KRT12: variants seen among roughly 807,000 people sequenced by gnomAD.
KRT12 encodes keratin, type I cytoskeletal 12.
KRT12 carries 43 observed loss-of-function variants against 50.2 expected under a neutral mutation model. The ratio of observed to expected loss-of-function variants is 0.86; its 90% CI spans 0.67 to 1.11. KRT12 has a LOEUF of 1.11. KRT12 is among the 50% of genes least tolerant of loss of function. The pLI is 0.00. For missense variants in KRT12, 588 were observed against 625.6 expected, an observed-to-expected ratio of 0.94 and a Z score of 0.64; for synonymous variants, 257 against 253.6, an observed-to-expected ratio of 1.01 and a Z score of -0.13.
chr17:40,866,313 AGGTGAAAAT>A, intron 1 of KRT12, 76 bp from the exon 2 acceptor site: 1 of 1,176,674 alleles, frequency 8.5e-7, no homozygotes, highest in South Asian at 1.3e-5. Context: ...TTTGACACAA[AGGTGAAAAT>A]GGTGATATTA....
chr17:40,864,820 T>C lies in KRT12; in HGVS notation c.793A>G (p.Lys265Glu). Reference protein sequence around the residue: ...SLNEELAYMKKNHEDELQSFR... With the variant: ...SLNEELAYMKENHEDELQSFR... ...GTCTGACTCACATCCTCGTGGTTCTTCTTCATGTAGGCCAGCTCCTCGTTC... is the reference window on the plus strand; with the variant it reads ...GTCTGACTCACATCCTCGTGGTTCTCCTTCATGTAGGCCAGCTCCTCGTTC... The change falls in exon 3 of 8, where the codon AAG (lysine) becomes GAG (glutamate). Residue 265 changes from lysine (K) to glutamate (E), a missense_variant. Physicochemically the swap from Lys to Glu is moderately conservative, Grantham distance 56 (BLOSUM62 1). Coordinates refer to ENST00000251643, the MANE Select transcript of KRT12 (RefSeq NM_000223.4). 6.2e-7 allele frequency: 1 copy of C among 1,614,220 alleles called. No homozygotes were observed. The highest frequency in any genetic ancestry group is 8.5e-7 in the Non-Finnish European group (1 of 1,180,040).
In KRT12 at chr17:40,863,195, A is replaced by G. The variant is rs1307403782; in HGVS notation, c.1244T>C (p.Leu415Pro). The change falls in exon 6 of 8, where the codon CTG becomes CCG. Residue 415 changes from leucine to proline, a missense_variant. Leu to Pro is a moderately conservative substitution (Grantham distance 98). Coordinates refer to ENST00000251643, the MANE Select transcript of KRT12 (RefSeq NM_000223.4). This position sits in a 1 kb window ranked among gnomAD's most constrained non-coding sequence, Gnocchi z 4.2. ...AERQNVDHQR[L>P]LNVKARLELE... The stretch of plus-strand genomic sequence containing the variant: ...CTCCAGGCGGGCCTTGACATTCAGC[A>G]GCCGCTGGTGGTCCACGTTCTGGCG... 9 of 1,614,024 alleles carry G rather than the reference A, an allele frequency of 5.6e-6. No homozygotes were observed. Among genetic ancestry groups the G allele is most frequent in the Non-Finnish European group, 7.6e-6 (9 of 1,180,048 alleles).
chr17:40,862,580 T>TTGAC lies in KRT12; in HGVS notation c.1368_1371dup (p.Thr458ValfsTer3), dbSNP rs1416892206. The TTGAC allele has an allele frequency of 1.9e-6, 3 of 1,612,458 alleles. No individual in the cohort carries two copies. Among genetic ancestry groups the TTGAC allele is most frequent in the Non-Finnish European group, 2.5e-6 (3 of 1,178,622 alleles). Reference sequence around the variant, plus strand: ...TTCTGCATACCTTTAGAGGAATCAGTTGACTGTGCTTGTGATTTGGAGTCT... The same window carrying TTGAC: ...TTCTGCATACCTTTAGAGGAATCAGTTGACTGACTGTGCTTGTGATTTGGAGTCT... On this transcript the variant is annotated frameshift_variant, in exon 7 of 8. Coordinates refer to ENST00000251643, the MANE Select transcript of KRT12 (RefSeq NM_000223.4). LOFTEE classifies it high-confidence loss of function.
chr17:40,863,215 C>G lies in KRT12; in HGVS notation c.1224G>C (p.Gln408His). The change falls in exon 6 of 8, where the codon CAG becomes CAC. Residue 408 changes from glutamine to histidine, a missense_variant. By Grantham distance (24) the Gln-to-His change is conservative (BLOSUM62 0). Transcript: ENST00000251643. This position sits in a 1 kb window ranked among gnomAD's most constrained non-coding sequence, Gnocchi z 4.2. ...LLQVRADAER[Q>H]NVDHQRLLNV... ...TCAGCAGCCGCTGGTGGTCCACGTT[C>G]TGGCGCTCTGCGTCCGCGCGCACCT... 1 of 1,614,048 alleles carries G rather than the reference C, an allele frequency of 6.2e-7. No individual in the cohort carries two copies. The highest frequency in any genetic ancestry group is 8.5e-7 in the Non-Finnish European group (1 of 1,180,040).
At position 40,863,192 on chromosome 17, in the gene KRT12, A is replaced by G; in HGVS notation, c.1247T>C (p.Leu416Pro). The change falls in exon 6 of 8, where the codon CTG (leucine) becomes CCG (proline). Residue 416 changes from leucine to proline, a missense_variant. Physicochemically the swap from Leu to Pro is moderately conservative, Grantham distance 98 (BLOSUM62 -3). Transcript: ENST00000251643. The surrounding 1 kb of genome is among the most constrained non-coding windows in gnomAD (Gnocchi z 4.2). ...ERQNVDHQRL[L>P]NVKARLELEI... ...CAGCTCCAGGCGGGCCTTGACATTC[A>G]GCAGCCGCTGGTGGTCCACGTTCTG... 1 of 1,614,076 alleles carries G rather than the reference A, an allele frequency of 6.2e-7. No homozygotes were observed. Among genetic ancestry groups the G allele is most frequent in the Non-Finnish European group, 8.5e-7 (1 of 1,180,030 alleles).
In KRT12 at chr17:40,863,201, T is replaced by A; in HGVS notation, c.1238A>T (p.Gln413Leu). 6.2e-7 allele frequency: 1 copy of A among 1,614,096 alleles called. No individual in the cohort carries two copies. Among genetic ancestry groups the A allele is most frequent in the Non-Finnish European group, 8.5e-7 (1 of 1,180,024 alleles). Reference sequence around the variant, plus strand: ...GCGGGCCTTGACATTCAGCAGCCGCTGGTGGTCCACGTTCTGGCGCTCTGC... The same window carrying A: ...GCGGGCCTTGACATTCAGCAGCCGCAGGTGGTCCACGTTCTGGCGCTCTGC... ...ADAERQNVDHQRLLNVKARLE... is the reference protein window; with the variant it reads ...ADAERQNVDHLRLLNVKARLE... The change falls in exon 6 of 8, where the codon CAG becomes CTG. Residue 413 changes from glutamine (Q) to leucine (L), a missense_variant. Physicochemically the swap from Gln to Leu is moderately radical, Grantham distance 113. Transcript: ENST00000251643. The surrounding 1 kb of genome is among the most constrained non-coding windows in gnomAD (Gnocchi z 4.2).
In KRT12 at chr17:40,866,945, A is replaced by G; in HGVS notation, c.242T>C (p.Leu81Pro). Residue 81 changes from leucine to proline, a missense_variant, in exon 1 of 8, where the codon CTG becomes CCG. By Grantham distance (98) the Leu-to-Pro change is moderately conservative. Coordinates refer to ENST00000251643, the MANE Select transcript of KRT12 (RefSeq NM_000223.4). ...GGSGSSMAGG[L>P]GAGYGRALGG... The stretch of plus-strand genomic sequence containing the variant: ...CAGGGCTCTCCCATAACCAGCACCC[A>G]GTCCTCCTGCCATGGAACTTCCGGA... The G allele has an allele frequency of 2.5e-6, 4 of 1,606,894 alleles. No individual in the cohort carries two copies. The highest frequency in any genetic ancestry group is 3.4e-6 in the Non-Finnish European group (4 of 1,176,660).
chr17:40,861,389 C>G lies in KRT12; in HGVS notation c.*272G>C, dbSNP rs192003477. 1.2e-4 allele frequency: 55 copies of G among 472,546 alleles called. No individual in the cohort carries two copies. The highest frequency in any genetic ancestry group is 1.0e-3 in the African/African-American group (53 of 51,498). The allele number at this position is 472,546 out of a possible 1,614,324, so 29.3% of individuals were successfully genotyped here. The stretch of plus-strand genomic sequence containing the variant: ...ATGATTAAAAAATATTCCGGGTTAC[C>G]AGAAGAAAGTTCGTTAAAAGACTAC... On this transcript the variant is annotated 3_prime_UTR_variant, in exon 8 of 8. Transcript: ENST00000251643.
rs1450062310 is a variant in KRT12, at chr17:40,866,966, C to A, written c.221G>T (p.Gly74Val). The A allele has an allele frequency of 6.3e-7, 1 of 1,599,342 alleles. No individual in the cohort carries two copies. The highest frequency in any genetic ancestry group is 1.3e-5 in the African/African-American group (1 of 74,150). Residue 74 changes from glycine to valine, a missense_variant, in exon 1 of 8, where the codon GGA becomes GTA. By Grantham distance (109) the Gly-to-Val change is moderately radical. Coordinates refer to ENST00000251643, the MANE Select transcript of KRT12 (RefSeq NM_000223.4). ...GSSSGFGGGS[G>V]SSMAGGLGAG... ...ACCCAGTCCTCCTGCCATGGAACTT[C>A]CGGAGCCACCCCCAAAGCCGGAACT... is the stretch of plus-strand genomic sequence containing the variant.
In KRT12 at chr17:40,863,444, G is replaced by A. The variant is rs751469004; in HGVS notation, c.1095+41C>T. On this transcript the variant is annotated intron_variant, in intron 5 of 7. Coordinates refer to ENST00000251643, the MANE Select transcript of KRT12 (RefSeq NM_000223.4). The surrounding 1 kb of genome is among the most constrained non-coding windows in gnomAD (Gnocchi z 4.2). Reference sequence around the variant, plus strand: ...TAATTTGGATGCAGCATTTTCTTTGGAAGTCCAAAGGATGCTACGTCTGTT... The same window carrying A: ...TAATTTGGATGCAGCATTTTCTTTGAAAGTCCAAAGGATGCTACGTCTGTT... The A allele has an allele frequency of 1.2e-6, 2 of 1,614,230 alleles. No homozygotes were observed. Among genetic ancestry groups the A allele is most frequent in the Non-Finnish European group, 1.7e-6 (2 of 1,180,042 alleles).
At chr17:40,865,083 T>G in intron 2 of KRT12, 121 bp from the exon 3 acceptor site, 1 of 1,050,630 alleles carries the variant, frequency 9.5e-7, no homozygotes. Flanking sequence ...AGCATTGTAG[T>G]GTATGATGCA....
At position 40,867,001 on chromosome 17, in the gene KRT12, C is replaced by T. The variant is rs998041365; in HGVS notation, c.186G>A (p.Met62Ile). 1 of 1,596,460 alleles carries T rather than the reference C, an allele frequency of 6.3e-7. No homozygotes were observed. Among genetic ancestry groups the T allele is most frequent in the Admixed American group, 1.8e-5 (1 of 57,074 alleles). Residue 62 changes from methionine (M) to isoleucine (I), a missense_variant, in exon 1 of 8, where the codon ATG becomes ATA. Physicochemically the swap from Met to Ile is conservative, Grantham distance 10. Coordinates refer to ENST00000251643, the MANE Select transcript of KRT12 (RefSeq NM_000223.4). ...SCGGGFSAASMFGSSSGFGGG... is the reference protein window; with the variant it reads ...SCGGGFSAASIFGSSSGFGGG... The stretch of plus-strand genomic sequence containing the variant: ...CCCCAAAGCCGGAACTAGAACCAAA[C>T]ATGGAAGCAGCAGAAAAGCCTCCCC...
In KRT12 at chr17:40,866,979, C is replaced by G. The variant is rs1467795002; in HGVS notation, c.208G>C (p.Gly70Arg). 1 of 1,597,836 alleles carries G rather than the reference C, an allele frequency of 6.3e-7. No homozygotes were observed. The highest frequency in any genetic ancestry group is 1.4e-5 in the African/African-American group (1 of 74,052). The change falls in exon 1 of 8, where the codon GGG (glycine) becomes CGG (arginine). Residue 70 changes from glycine (G) to arginine (R), a missense_variant. Transcript: ENST00000251643. ...GCCATGGAACTTCCGGAGCCACCCC[C>G]AAAGCCGGAACTAGAACCAAACATG... ...ASMFGSSSGF[G>R]GGSGSSMAGG...
chr17:40,866,126 GC>G (rs1907006703), intron 2 of KRT12, 28 bp downstream of exon 2: 1 of 1,534,666 alleles, frequency 6.5e-7, no homozygotes, highest in Admixed American at 1.7e-5. Context: ...GGTGGGACAC[GC>G]CCATGATCTT....
chr17:40,862,585 T>C lies in KRT12; in HGVS notation c.1367A>G (p.Gln456Arg). 1.2e-6 allele frequency: 2 copies of C among 1,613,226 alleles called. No homozygotes were observed. Among genetic ancestry groups the C allele is most frequent in the Non-Finnish European group, 1.7e-6 (2 of 1,179,156 alleles). ...CATACCTTTAGAGGAATCAGTTGAC[T>C]GTGCTTGTGATTTGGAGTCTGTCAC... ...LFVTDSKSQAQSTDSSKDPTK... is the reference protein window; with the variant it reads ...LFVTDSKSQARSTDSSKDPTK... The change falls in exon 7 of 8, where the codon CAG becomes CGG. Residue 456 changes from glutamine (Q) to arginine (R), a missense_variant. Transcript: ENST00000251643.
chr17:40,866,848 G>A lies in KRT12; in HGVS notation c.339C>T (p.Leu113=). 1 of 1,614,098 alleles carries A rather than the reference G, an allele frequency of 6.2e-7. No homozygotes were observed. The change falls in exon 1 of 8, where the codon CTC becomes CTT. Residue 113 remains leucine, a synonymous_variant. Coordinates refer to ENST00000251643, the MANE Select transcript of KRT12 (RefSeq NM_000223.4). Reference sequence around the variant, plus strand: ...AAAGAAGGCCTCCATCATTGCCCGAGAGAATACCTAGAGAGCCACCTCCTG... The same window carrying A: ...AAAGAAGGCCTCCATCATTGCCCGAAAGAATACCTAGAGAGCCACCTCCTG... ...GSPGGGSLGI[L]SGNDGGLLSG...
chr17:40,863,953 TACACACAC>T lies in KRT12; in HGVS notation c.808-97_808-90del, dbSNP rs71155107. 90 of 513,694 alleles carry T rather than the reference TACACACAC, an allele frequency of 1.8e-4. No individual in the cohort carries two copies. The highest frequency in any genetic ancestry group is 4.7e-4 in the South Asian group (15 of 31,978). The allele number at this position is 513,694 out of a possible 1,614,324, so 31.8% of individuals were successfully genotyped here. A position where few individuals can be genotyped will look rare whatever the true frequency, so the allele number is the denominator to read the frequency against. On this transcript the variant is annotated intron_variant, in intron 3 of 7. Transcript: ENST00000251643. The surrounding 1 kb of genome is among the most constrained non-coding windows in gnomAD (Gnocchi z 4.2). ...ACTTTTGTCCTCTTGGGCCCCTTCCTACACACACACACACACACACACACACACACACA... is the reference window on the plus strand; with the variant it reads ...ACTTTTGTCCTCTTGGGCCCCTTCCTACACACACACACACACACACACACA...
In KRT12 at chr17:40,863,128, G is replaced by C. The variant is rs753503715; in HGVS notation, c.1311C>G (p.Ala437=). ...ETYRRLLDGE[A]QGDGLEESLF... is the part of the protein sequence containing the mutation. ...AGCCTCCGTTGTCTGCTCACCCTTGGGCCTCCCCGTCCAGCAGGCGGCGGT... is the reference window on the plus strand; with the variant it reads ...AGCCTCCGTTGTCTGCTCACCCTTGCGCCTCCCCGTCCAGCAGGCGGCGGT... Residue 437 remains alanine, a synonymous_variant, in exon 6 of 8, where the codon GCC becomes GCG. Coordinates refer to ENST00000251643, the MANE Select transcript of KRT12 (RefSeq NM_000223.4). The surrounding 1 kb of genome is among the most constrained non-coding windows in gnomAD (Gnocchi z 4.2). 6 of 1,613,848 alleles carry C rather than the reference G, an allele frequency of 3.7e-6. No individual in the cohort carries two copies. Among genetic ancestry groups the C allele is most frequent in the Non-Finnish European group, 5.1e-6 (6 of 1,179,898 alleles).
In KRT12 at chr17:40,867,155, GA is replaced by G; in HGVS notation, c.31del (p.Ser11GlnfsTer16). MDLSNNTMSL[S>X]VRTPGLSRRL... ...CCGGGACAGTCCGGGGGTGCGCACT[GA>G]GAGTGACATGGTGTTGTTGGAGAGA... On this transcript the variant is annotated frameshift_variant, in exon 1 of 8. Coordinates refer to ENST00000251643, the MANE Select transcript of KRT12 (RefSeq NM_000223.4). LOFTEE classifies it high-confidence loss of function. 6.2e-7 allele frequency: 1 copy of G among 1,609,332 alleles called. No individual in the cohort carries two copies. The highest frequency in any genetic ancestry group is 8.5e-7 in the Non-Finnish European group (1 of 1,180,006).
Sources: gnomAD v4.1 joint callset for allele counts on GRCh38, gnomAD v4.1.1 for gene constraint, Gnocchi (gnomAD v3.1) non-coding constraint, MANE v1.5 for transcripts, NCBI Gene and HGNC (gene_info 2026-07-23, HGNC 2026-07-21) for gene names.